CAMK1D: variants seen among roughly 807,000 people sequenced by gnomAD.
CAMK1D encodes calcium/calmodulin dependent protein kinase ID, also known as calcium/calmodulin-dependent protein kinase type 1D.
Under a neutral mutation model 47.7 loss-of-function variants are expected in CAMK1D, and 9 were observed. That is an observed-to-expected ratio of 0.19 (90% CI 0.11 to 0.33). The LOEUF (loss-of-function observed/expected upper bound fraction) is 0.33, where lower values mean the gene tolerates loss of function less well. CAMK1D is among the 10% of genes least tolerant of loss of function. CAMK1D has a pLI of 1.00. For missense variants in CAMK1D, 291 were observed against 488.7 expected (o/e 0.60, Z 3.81); for synonymous variants, 184 against 184.9 (o/e 0.99, Z 0.04).
intron 2 of CAMK1D, among the ~76,000 whole-genome samples, chr10:12,593,905 G>A (rs747144698): frequency 2.0e-5 from 3 of 152,100 alleles, no homozygotes; most frequent in Admixed American, 6.5e-5. Flanking sequence ...GGCCAGGCGC[G>A]GTGGCTCACG....
chr10:12,828,984 G>T lies in CAMK1D; in HGVS notation c.*97G>T, dbSNP rs1352022304. 2 of 831,164 alleles carry T rather than the reference G, an allele frequency of 2.4e-6. No individual in the cohort carries two copies. Among genetic ancestry groups the T allele is most frequent in the Non-Finnish European group, 3.7e-6 (2 of 540,888 alleles). 51.5% of individuals were successfully genotyped at this position (831,164 alleles called of 1,614,324 possible). On this transcript the variant is annotated 3_prime_UTR_variant, in exon 11 of 11. Transcript: ENST00000619168. ...ACTCCAGCGAGACCCCACCTTGCATGGTGCCCCTTCCTGCATAGGACTGGA... is the reference window on the plus strand; with the variant it reads ...ACTCCAGCGAGACCCCACCTTGCATTGTGCCCCTTCCTGCATAGGACTGGA...
chr10:12,695,562 TACTA>T (rs1833256380), intron 3 of CAMK1D, among the ~76,000 whole-genome samples: 1 of 152,182 alleles, frequency 6.6e-6, no homozygotes, highest in South Asian at 2.1e-4. Flanking sequence ...AAGTAAAAGT[TACTA>T]TTTCACATCA....
chr10:12,764,859 G>T (rs572235866), intron 4 of CAMK1D, among the ~76,000 whole-genome samples: 6 of 152,210 alleles, frequency 3.9e-5, no homozygotes, highest in Non-Finnish European at 8.8e-5. Flanking sequence ...ACATTGGGAG[G>T]CTGAGGTAGA....
intron 3 of CAMK1D, among the ~76,000 whole-genome samples, chr10:12,759,452 T>A (rs1385752606): frequency 6.6e-6 from 1 of 152,182 alleles, no homozygotes; most frequent in Admixed American, 6.5e-5. Flanking sequence ...CTGCAAAGTT[T>A]CAGATGTTGA....
intron 1 of CAMK1D, among the ~76,000 whole-genome samples, chr10:12,524,523 C>T (rs879880367): frequency 1.1e-4 from 17 of 151,898 alleles, no homozygotes; most frequent in East Asian, 7.8e-4. Context: ...CTGGCTAACA[C>T]GGTGAAAACC....
At chr10:12,577,885 C>T (rs555201250) in intron 2 of CAMK1D, among the ~76,000 whole-genome samples, 19 of 152,290 alleles carry the variant, frequency 1.2e-4, no homozygotes, top group African/African-American at 2.2e-4. Context: ...CAGTTATCTA[C>T]GTAAAAAATC....
intron 5 of CAMK1D, among the ~76,000 whole-genome samples, chr10:12,782,358 C>T (rs1217002118): frequency 6.6e-6 from 1 of 152,214 alleles, no homozygotes; most frequent in East Asian, 1.9e-4. Flanking sequence ...CCAGCACATT[C>T]AGTATCACCT....
rs79306795 is a variant in CAMK1D, at chr10:12,688,471, A to T, written c.299+21661A>T. 2.6e-3 allele frequency among the ~76,000 whole-genome samples: 399 copies of T among 152,352 alleles called. 1 individual carries two copies. The highest frequency in any genetic ancestry group is 8.8e-3 in the African/African-American group (364 of 41,588). ...AGGAGAGAAAGATTTAAAGAATTAC[A>T]AACAGGTCAGTAGAATTTGGGGCCT... is the stretch of plus-strand genomic sequence containing the variant. On this transcript the variant is annotated intron_variant, in intron 3 of 10. Coordinates refer to ENST00000619168, the MANE Select transcript of CAMK1D (RefSeq NM_153498.4).
chr10:12,576,765 G>C (rs1019096601), intron 2 of CAMK1D, among the ~76,000 whole-genome samples: 1 of 152,194 alleles, frequency 6.6e-6, no homozygotes, highest in African/African-American at 2.4e-5. Context: ...CTGGTGTGCG[G>C]CCCGGTTCCA....
At chr10:12,371,219 G>GAA (rs1837994926) in intron 1 of CAMK1D, among the ~76,000 whole-genome samples, 1 of 150,054 alleles carries the variant, frequency 6.7e-6, no homozygotes, top group Admixed American at 6.7e-5. Context: ...ACTCACCCAG[G>GAA]GTGACTTCTA....
At chr10:12,401,335 T>G (rs1415561267) in intron 1 of CAMK1D, among the ~76,000 whole-genome samples, 1 of 109,358 alleles carries the variant, frequency 9.1e-6, no homozygotes, top group African/African-American at 3.4e-5. Context: ...TTTATATATA[T>G]ATAATATATA....
intron 2 of CAMK1D, among the ~76,000 whole-genome samples, chr10:12,565,524 A>T (rs1295516362): frequency 2.0e-5 from 3 of 152,196 alleles, no homozygotes; most frequent in Non-Finnish European, 4.4e-5. Context: ...AAAGTGCTGG[A>T]ATTACAGGCG....
intron 8 of CAMK1D, among the ~76,000 whole-genome samples, chr10:12,823,186 G>A (rs150473548): frequency 2.6e-4 from 40 of 152,286 alleles, no homozygotes; most frequent in Admixed American, 5.2e-4. Flanking sequence ...GATGGTTGCC[G>A]TGTCTGGGCT....
intron 1 of CAMK1D, among the ~76,000 whole-genome samples, chr10:12,415,689 A>G (rs1839822221): frequency 6.6e-6 from 1 of 151,102 alleles, no homozygotes; most frequent in South Asian, 2.1e-4. Flanking sequence ...ATTTTGTGTC[A>G]TTATTCTAAA....
chr10:12,561,853 C>T (rs1363080786), intron 2 of CAMK1D, among the ~76,000 whole-genome samples: 1 of 152,200 alleles, frequency 6.6e-6, no homozygotes, highest in Non-Finnish European at 1.5e-5. Flanking sequence ...ATAGCACTCC[C>T]TGAATTGAAG....
Position 12,630,699 on chromosome 10 carries a change from G to A in CAMK1D, c.225-36037G>A, listed in dbSNP as rs113686073. On this transcript the variant is annotated intron_variant, in intron 2 of 10. Transcript: ENST00000619168. ...CTCTCCTCCCAAAGTGCTGGGATTC[G>A]AGGCGTGAGCTACTGCCCCTGGCCC... Among the ~76,000 whole-genome samples, 426 of 152,130 alleles carry A rather than the reference G, an allele frequency of 2.8e-3. 3 individuals are homozygous for A. Among genetic ancestry groups the A allele is most frequent in the African/African-American group, 9.0e-3 (374 of 41,506 alleles).
At chr10:12,693,027 C>T (rs938347526) in intron 3 of CAMK1D, among the ~76,000 whole-genome samples, 2 of 152,072 alleles carry the variant, frequency 1.3e-5, no homozygotes, top group African/African-American at 4.8e-5. Flanking sequence ...GCAGATCATC[C>T]TCTATAATGT....
At chr10:12,732,871 G>A (rs2130816776) in intron 3 of CAMK1D, among the ~76,000 whole-genome samples, 1 of 152,100 alleles carries the variant, frequency 6.6e-6, no homozygotes, top group South Asian at 2.1e-4. Flanking sequence ...GCCCTCATTT[G>A]AGATCTTCCC....
intron 5 of CAMK1D, among the ~76,000 whole-genome samples, chr10:12,781,973 T>G (rs899512724): frequency 2.8e-4 from 8 of 28,534 alleles, no homozygotes; most frequent in African/African-American, 7.2e-4. Context: ...AATTTAATTG[T>G]TTTTTTTTTT....
Sources: gnomAD v4.1 joint callset for allele counts (sites outside exome capture counted in the v4.1 genomes callset) on GRCh38, gnomAD v4.1.1 for gene constraint, MANE v1.5 for transcripts, NCBI Gene and HGNC (gene_info 2026-07-23, HGNC 2026-07-21) for gene names.